UNC80: variants seen among roughly 807,000 people sequenced by gnomAD.
The protein encoded by UNC80 is protein unc-80 homolog.
A neutral mutation model predicts 384.6 loss-of-function variants in UNC80; 164 were observed. The ratio of observed to expected loss-of-function variants is 0.43; its 90% CI spans 0.38 to 0.49. UNC80 has a LOEUF of 0.49. Ranked by LOEUF, UNC80 falls within the 20% of genes least tolerant of loss-of-function variation. The pLI is 0.00. For missense variants in UNC80, 3,330 were observed against 4,143.0 expected (o/e 0.80, Z 5.39); for synonymous variants, 1,486 against 1,527.8 (o/e 0.97, Z 0.64).
At chr2:209,903,812 T>G (rs1458582233) in intron 28 of UNC80, among the ~76,000 whole-genome samples, 1 of 151,484 alleles carries the variant, frequency 6.6e-6, no homozygotes, top group African/African-American at 2.4e-5. Context: ...AGCTAGGTCC[T>G]CTGCTTTAGG....
rs532436301 is a variant in UNC80, at chr2:209,894,269, C to T, written c.4383C>T (p.Val1461=). 2.0e-5 allele frequency: 20 copies of T among 985,264 alleles called. No homozygotes were observed. Among genetic ancestry groups the T allele is most frequent in the African/African-American group, 3.5e-5 (2 of 57,230 alleles). 61.0% of individuals were successfully genotyped at this position (985,264 alleles called of 1,614,324 possible). ...KGGSLSSIRR[V]GSLKSSKLSR... ...GTTCCTTGTCCAGCATTCGCCGGGT[C>T]GGCAGCTTAAAGAGCAGCAAGTTAT... The change falls in exon 27 of 65, where the codon GTC becomes GTT. Residue 1461 remains valine, a synonymous_variant. Transcript: ENST00000673920.
intron 42 of UNC80, among the ~76,000 whole-genome samples, chr2:209,938,710 C>CTGTGTG (rs139058213): frequency 2.4e-5 from 2 of 83,384 alleles, no homozygotes; most frequent in African/African-American, 7.8e-5. Flanking sequence ...CTCTCTCTCT[C>CTGTGTG]TGTGTGTGTG....
intron 21 of UNC80, among the ~76,000 whole-genome samples, chr2:209,845,830 T>A (rs1447974241): frequency 6.6e-6 from 1 of 152,206 alleles, no homozygotes; most frequent in Admixed American, 6.5e-5. Context: ...TCTGCTTATC[T>A]AAGTACATTG....
At chr2:209,966,392 ATAT>A (rs1166857136) in intron 51 of UNC80, among the ~76,000 whole-genome samples, 1 of 152,238 alleles carries the variant, frequency 6.6e-6, no homozygotes. Flanking sequence ...TTACCTCTTA[ATAT>A]TATCTTGTAC....
chr2:209,775,007 A>T (rs1432709530), intron 2 of UNC80, among the ~76,000 whole-genome samples: 2 of 152,188 alleles, frequency 1.3e-5, no homozygotes, highest in Admixed American at 6.5e-5. Flanking sequence ...ATTATATAGA[A>T]CATTTATACA....
intron 12 of UNC80, among the ~76,000 whole-genome samples, chr2:209,819,571 G>A (rs1479663715): frequency 6.6e-6 from 1 of 151,902 alleles, no homozygotes; most frequent in African/African-American, 2.4e-5. Flanking sequence ...TGTCTAGAAT[G>A]AGGGCAAAAA....
At chr2:209,967,904 A>C (rs554979091) in intron 52 of UNC80, 7 of 313,230 alleles carry the variant, frequency 2.2e-5, no homozygotes, top group Non-Finnish European at 3.5e-5. Flanking sequence ...GACACATATA[A>C]AAATTTCAAT....
intron 31 of UNC80, 41 bp downstream of exon 31, chr2:209,913,981 G>A: frequency 6.6e-7 from 1 of 1,506,822 alleles, no homozygotes; most frequent in Non-Finnish European, 8.9e-7. Flanking sequence ...TGCTGCCACT[G>A]CTGTTACTGA....
intron 50 of UNC80, 72 bp downstream of exon 50, chr2:209,959,226 T>C (rs1344672513): frequency 6.7e-7 from 1 of 1,490,962 alleles, no homozygotes; most frequent in Non-Finnish European, 9.2e-7. Context: ...AGCTGGTTTA[T>C]GGCTCTATTA....
intron 26 of UNC80, among the ~76,000 whole-genome samples, chr2:209,889,002 CAATT>C (rs2086088625): frequency 6.6e-6 from 1 of 152,106 alleles, no homozygotes; most frequent in Non-Finnish European, 1.5e-5. Flanking sequence ...CTAATCTCAT[CAATT>C]AATAAAGCAC....
chr2:209,816,486 G>A lies in UNC80; in HGVS notation c.1336-423G>A, dbSNP rs1158514448. Among the ~76,000 whole-genome samples the A allele has an allele frequency of 2.6e-5, 4 of 152,206 alleles. No individual in the cohort carries two copies. The East Asian group carries it at 7.7e-4, about 29-fold the overall frequency. On this transcript the variant is annotated intron_variant, in intron 9 of 64. Coordinates refer to ENST00000673920, the MANE Select transcript of UNC80 (RefSeq NM_001371986.1). ...AGAAAAAGAGAGGCTGGTTCAAGTA[G>A]TGACTCTAACCTTGTGATTTGCAAA...
At chr2:209,946,981 G>A (rs943599879) in intron 47 of UNC80, among the ~76,000 whole-genome samples, 8 of 152,228 alleles carry the variant, frequency 5.3e-5, no homozygotes, top group Non-Finnish European at 1.2e-4. Flanking sequence ...CAATATTCTC[G>A]AATTTTTGTC....
intron 18 of UNC80, among the ~76,000 whole-genome samples, chr2:209,836,521 T>G (rs374415202): frequency 3.3e-5 from 5 of 152,246 alleles, no homozygotes; most frequent in African/African-American, 1.2e-4. Flanking sequence ...AAACACCACC[T>G]AATTTCTTAG....
intron 26 of UNC80, 123 bp downstream of exon 26, chr2:209,888,383 G>C (rs944954324): frequency 9.5e-7 from 1 of 1,049,070 alleles, no homozygotes; most frequent in Non-Finnish European, 1.4e-6. Context: ...TACTGACTGT[G>C]TAGGCTTTAT....
chr2:209,825,707 GA>G (rs1255679835), intron 13 of UNC80, among the ~76,000 whole-genome samples, 199 bp from the exon 14 acceptor site: 2 of 152,114 alleles, frequency 1.3e-5, no homozygotes, highest in African/African-American at 4.8e-5. Context: ...AAAATACGTA[GA>G]TTTTTTTCTT....
Position 209,773,084 on chromosome 2 carries a change from A to T in UNC80, c.93-10A>T, listed in dbSNP as rs751501955. On this transcript the variant is annotated splice_polypyrimidine_tract_variant and intron_variant, in intron 1 of 64. Transcript: ENST00000673920. ...ATGTTTATTAACAAATATCTCTATT[A>T]ATTTTTCAGTGCATTTTTGAGGCCC... The T allele has an allele frequency of 6.2e-7, 1 of 1,606,360 alleles. No homozygotes were observed. Among genetic ancestry groups the T allele is most frequent in the Non-Finnish European group, 8.5e-7 (1 of 1,173,724 alleles).
At position 209,834,109 on chromosome 2, in the gene UNC80, A is replaced by G. The variant is rs2081182010; in HGVS notation, c.2883A>G (p.Leu961=). Residue 961 remains leucine (L), a synonymous_variant, in exon 17 of 65, where the codon TTA becomes TTG. Transcript: ENST00000673920. ...LSALLDSAEK[L]APGKKVEENE... is the part of the protein sequence containing the mutation. ...CTCTGCTTGACAGTGCCGAGAAGTT[A>G]GCACCAGGGAAAAAGGTGGAGGAGA... The G allele has an allele frequency of 3.2e-6, 5 of 1,551,566 alleles. No homozygotes were observed. The East Asian group carries it at 9.8e-5, about 30-fold the overall frequency.
At chr2:209,834,843 G>T in intron 17 of UNC80, 69 bp from the exon 18 acceptor site, 1 of 1,272,690 alleles carries the variant, frequency 7.9e-7, no homozygotes. Flanking sequence ...TTTGTTTTAT[G>T]AAGTGTATGA....
intron 11 of UNC80, among the ~76,000 whole-genome samples, chr2:209,818,239 A>G: frequency 6.6e-6 from 1 of 152,144 alleles, no homozygotes; most frequent in East Asian, 1.9e-4. Context: ...ACCTTGGAAG[A>G]CATCTAGATT....
Sources: allele counts gnomAD v4.1 joint callset (sites outside exome capture counted in the v4.1 genomes callset), GRCh38; gene constraint gnomAD v4.1.1; transcripts MANE v1.5; gene names NCBI Gene and HGNC (gene_info 2026-07-23, HGNC 2026-07-21).